The following DCAF8L2 variants were observed in gnomAD, a reference collection of about 807,000 sequenced individuals.
DCAF8L2 encodes DDB1- and CUL4-associated factor 8-like protein 2.
For synonymous variants in DCAF8L2, 200 were observed against 190.9 expected, an observed-to-expected ratio of 1.05 and a Z score of -0.39; for missense variants, 430 against 490.7, an observed-to-expected ratio of 0.88 and a Z score of 1.17.
At chrX:27,510,294 G>T in the DCAF8L2 span, among the ~76,000 whole-genome samples, 1 of 110,079 alleles carries the variant, frequency 9.1e-6, no homozygotes, top group Non-Finnish European at 1.9e-5. Flanking sequence ...TGTAACCAGA[G>T]TGGTGTGTAG....
Position 27,747,271 on chromosome X carries a change from G to A in DCAF8L2, c.376G>A (p.Glu126Lys). ...CGAAGAGATACAAGAGGAGGGAGGG[G>A]AGGAGGAGGAAGAGGAGGAGGAGGA... is the stretch of plus-strand genomic sequence containing the variant. Reference protein sequence around the residue: ...EDEEIQEEGGEEEEEEEEEEE... With the variant: ...EDEEIQEEGGKEEEEEEEEEE... The change falls in exon 5 of 5, where the codon GAG (glutamate) becomes AAG (lysine). Residue 126 changes from glutamate to lysine, a missense_variant. Transcript: ENST00000451261. 8.8e-7 allele frequency: 1 copy of A among 1,133,645 alleles called. No homozygotes were observed. Among genetic ancestry groups the A allele is most frequent in the Non-Finnish European group, 1.2e-6 (1 of 860,841 alleles). 93.4% of individuals were successfully genotyped at this position (1,133,645 alleles called of 1,213,427 possible).
At chrX:27,563,755 T>A in the DCAF8L2 span, among the ~76,000 whole-genome samples, 1 of 112,484 alleles carries the variant, frequency 8.9e-6, no homozygotes, top group Admixed American at 9.4e-5. Flanking sequence ...CAAAGTAGTT[T>A]TCAAATATGC....
the DCAF8L2 span, among the ~76,000 whole-genome samples, chrX:27,511,111 A>G: frequency 6.3e-5 from 7 of 111,091 alleles, no homozygotes; most frequent in South Asian, 2.7e-3. Context: ...AAAGCTGTAC[A>G]AGTTTCTGCT....
chrX:27,662,031 CAAT>C (rs1425006744), intron 2 of DCAF8L2, among the ~76,000 whole-genome samples: 4 of 111,542 alleles, frequency 3.6e-5, no homozygotes, highest in African/African-American at 1.3e-4. Context: ...GAAATAGAAT[CAAT>C]AAATATTTTC....
At chrX:27,692,514 T>C (rs1029736321) in intron 3 of DCAF8L2, among the ~76,000 whole-genome samples, 1 of 111,999 alleles carries the variant, frequency 8.9e-6, no homozygotes, top group East Asian at 2.8e-4. Flanking sequence ...ATAAATATTA[T>C]CTAGAGAAGA....
At chrX:27,649,656 G>T (rs2147197717) in intron 2 of DCAF8L2, among the ~76,000 whole-genome samples, 1 of 111,347 alleles carries the variant, frequency 9.0e-6, no homozygotes, top group African/African-American at 3.3e-5. Flanking sequence ...GGGTTGTTTG[G>T]TTTTTGTTTG....
At chrX:27,590,776 C>A (rs1182727288) in intron 1 of DCAF8L2, among the ~76,000 whole-genome samples, 1 of 108,343 alleles carries the variant, frequency 9.2e-6, no homozygotes, top group Admixed American at 1.0e-4. Context: ...GATAATTCAT[C>A]TTATAATGTT....
At chrX:27,660,279 C>G (rs778790037) in intron 2 of DCAF8L2, among the ~76,000 whole-genome samples, 1 of 112,231 alleles carries the variant, frequency 8.9e-6, no homozygotes, top group Non-Finnish European at 1.9e-5. Context: ...CTGTCTCGGT[C>G]TCCCAAAGTG....
chrX:27,596,584 A>T (rs1926368530), intron 1 of DCAF8L2, among the ~76,000 whole-genome samples: 1 of 111,640 alleles, frequency 9.0e-6, no homozygotes, highest in Non-Finnish European at 1.9e-5. Flanking sequence ...TATATTTGCT[A>T]TGAAAAAGTT....
At chrX:27,610,759 C>A (rs1034007969) in intron 1 of DCAF8L2, among the ~76,000 whole-genome samples, 3 of 112,138 alleles carry the variant, frequency 2.7e-5, no homozygotes, top group Non-Finnish European at 5.6e-5. Context: ...CCCCACTGTA[C>A]TTCTAATTCA....
At chrX:27,479,338 T>C in the DCAF8L2 span, among the ~76,000 whole-genome samples, 1 of 111,256 alleles carries the variant, frequency 9.0e-6, no homozygotes, top group Non-Finnish European at 1.9e-5. Flanking sequence ...GGCACCTTTG[T>C]TTTAGCCTAG....
At chrX:27,569,770 G>A in the DCAF8L2 span, among the ~76,000 whole-genome samples, 2 of 111,797 alleles carry the variant, frequency 1.8e-5, no homozygotes, top group South Asian at 7.5e-4. Context: ...AGTGGATGGG[G>A]TTTTGGAATT....
At chrX:27,600,124 A>AT (rs1926573351) in intron 1 of DCAF8L2, among the ~76,000 whole-genome samples, 1 of 111,828 alleles carries the variant, frequency 8.9e-6, no homozygotes, top group African/African-American at 3.2e-5. Context: ...GCAGTGTTAT[A>AT]TTTTTTTATC....
intron 2 of DCAF8L2, among the ~76,000 whole-genome samples, chrX:27,676,009 A>C (rs978167958): frequency 8.9e-6 from 1 of 112,185 alleles, no homozygotes; most frequent in Non-Finnish European, 1.9e-5. Flanking sequence ...TGCATAACTA[A>C]ATGTAGACCA....
rs1430714333 is a variant in DCAF8L2 at position 27,747,947 on chromosome X, A to T, written c.1052A>T (p.Asp351Val). The change falls in exon 5 of 5, where the codon GAC becomes GTC. Residue 351 changes from aspartate to valine, a missense_variant. Physicochemically the swap from Asp to Val is radical, Grantham distance 152. Transcript: ENST00000451261. ...AVVFTIDLRQ[D>V]RPASKVVVTR... ...GTCTTCACCATTGACCTCAGACAAG[A>T]CCGGCCAGCTTCAAAAGTTGTGGTA... The T allele has an allele frequency of 8.3e-7, 1 of 1,210,346 alleles. No individual in the cohort carries two copies. Among genetic ancestry groups the T allele is most frequent in the African/African-American group, 1.7e-5 (1 of 57,278 alleles).
chrX:27,548,333 C>A, the DCAF8L2 span, among the ~76,000 whole-genome samples: 2 of 111,320 alleles, frequency 1.8e-5, no homozygotes, highest in Non-Finnish European at 3.8e-5. Flanking sequence ...TATCCCCTAA[C>A]TAAAAAGAGT....
chrX:27,494,540 T>G, the DCAF8L2 span, among the ~76,000 whole-genome samples: 2 of 112,678 alleles, frequency 1.8e-5, no homozygotes, highest in African/African-American at 6.4e-5. Flanking sequence ...GTTTTTCACT[T>G]CCACCAGAAA....
At chrX:27,623,023 C>G (rs983820048) in intron 1 of DCAF8L2, among the ~76,000 whole-genome samples, 1 of 112,126 alleles carries the variant, frequency 8.9e-6, no homozygotes, top group African/African-American at 3.2e-5. Flanking sequence ...TAAGGAAACA[C>G]TTTTGCTTAG....
At chrX:27,515,409 G>A in the DCAF8L2 span, among the ~76,000 whole-genome samples, 4 of 111,890 alleles carry the variant, frequency 3.6e-5, no homozygotes, top group Non-Finnish European at 7.5e-5. Context: ...GCCAGGCGTG[G>A]TGGTGCATGC....
Sources: allele counts gnomAD v4.1 joint callset (sites outside exome capture counted in the v4.1 genomes callset), GRCh38; gene constraint gnomAD v4.1.1; transcripts MANE v1.5; gene names NCBI Gene and HGNC (gene_info 2026-07-23, HGNC 2026-07-21).